Variants in PAK2 observed in about 807,000 individuals in gnomAD.
The protein encoded by PAK2 is p21 (RAC1) activated kinase 2.
In PAK2, 21 loss-of-function variants were observed where a neutral mutation model predicts 65.9. That is an observed-to-expected ratio of 0.32 (90% CI 0.23 to 0.46). PAK2 has a LOEUF of 0.46. PAK2 is among the 20% of genes least tolerant of loss of function. The pLI is 1.00. For synonymous variants in PAK2, 204 were observed against 219.7 expected (o/e 0.93, Z 0.63); for missense variants, 324 against 642.6 (o/e 0.50, Z 5.36).
At chr3:196,758,461 A>G (rs1389749754) in intron 1 of PAK2, among the ~76,000 whole-genome samples, 1 of 152,210 alleles carries the variant, frequency 6.6e-6, no homozygotes, top group Non-Finnish European at 1.5e-5. Flanking sequence ...TCATGTGCGA[A>G]AGCTTCAGAT....
At chr3:196,802,633 A>C (rs1183036722) in intron 3 of PAK2, among the ~76,000 whole-genome samples, 2 of 152,130 alleles carry the variant, frequency 1.3e-5, no homozygotes, top group Non-Finnish European at 2.9e-5. Context: ...TCACGAGGTC[A>C]GGAGATTGAA....
At chr3:196,784,223 CTT>C (rs869153119) in intron 2 of PAK2, among the ~76,000 whole-genome samples, 1 of 117,738 alleles carries the variant, frequency 8.5e-6, no homozygotes, top group African/African-American at 2.9e-5. Flanking sequence ...TTTTTTTTTT[CTT>C]TTTTTTTTTT....
intron 1 of PAK2, among the ~76,000 whole-genome samples, chr3:196,766,049 A>G (rs559094206): frequency 9.9e-5 from 15 of 152,000 alleles, no homozygotes; most frequent in South Asian, 4.2e-4. Context: ...AGTGAGCACC[A>G]CCATGCCCAC....
In PAK2 at chr3:196,761,087, G is replaced by A. The variant is rs565090366; in HGVS notation, c.-22+20930G>A. ...CTACTAAAAATACAAAATTAGCCGG[G>A]TGTGGTTGTGCATACCTGTAATCCC... On this transcript the variant is annotated intron_variant, in intron 1 of 14. Coordinates refer to ENST00000327134, the MANE Select transcript of PAK2 (RefSeq NM_002577.4). Among the ~76,000 whole-genome samples the A allele has an allele frequency of 1.7e-4, 25 of 151,280 alleles. No homozygotes were observed. The South Asian group carries it at 4.6e-3, about 28-fold the overall frequency.
In PAK2 at chr3:196,774,485, C is replaced by G. The variant is rs564371600; in HGVS notation, c.-21-8141C>G. On this transcript the variant is annotated intron_variant, in intron 1 of 14. Transcript: ENST00000327134. ...CAAGGACTGACCTCAGGAAGGAAAT[C>G]ATTTTCACTAAGCCTTGAAAGATTT... 3.5e-4 allele frequency among the ~76,000 whole-genome samples: 53 copies of G among 152,234 alleles called. No homozygotes were observed. In the Middle Eastern group the frequency reaches 0.014, roughly 39 times the overall value.
In PAK2 at chr3:196,830,165, T is replaced by C. The variant is rs1712024926; in HGVS notation, c.*1760T>C. 1 of 152,216 alleles carries C rather than the reference T, an allele frequency of 6.6e-6. No individual in the cohort carries two copies. Among genetic ancestry groups the C allele is most frequent in the Admixed American group, 6.6e-5 (1 of 15,266 alleles). The allele number at this position is 152,216 out of a possible 1,614,324, so 9.4% of individuals were successfully genotyped here. ...TATTTTATTTCCACTATATCTATGA[T>C]AAGATGCAATTATAAGGAGAGAAGT... is the stretch of plus-strand genomic sequence containing the variant. On this transcript the variant is annotated 3_prime_UTR_variant, in exon 15 of 15. Transcript: ENST00000327134.
chr3:196,759,249 C>T (rs761826188), intron 1 of PAK2, among the ~76,000 whole-genome samples: 8 of 152,254 alleles, frequency 5.3e-5, no homozygotes, highest in Non-Finnish European at 1.2e-4. Context: ...CAGATTATTT[C>T]TAGAACTCTT....
chr3:196,785,526 T>C (rs1714857851), intron 2 of PAK2, among the ~76,000 whole-genome samples: 1 of 152,172 alleles, frequency 6.6e-6, no homozygotes, highest in South Asian at 2.1e-4. Flanking sequence ...TGTTTTAAAT[T>C]GGCCTTTCCC....
intron 14 of PAK2, among the ~76,000 whole-genome samples, chr3:196,828,063 A>C (rs991204469): frequency 3.1e-5 from 4 of 130,870 alleles, no homozygotes; most frequent in African/African-American, 1.2e-4. Context: ...ACCTGTTTAC[A>C]GTTTGTGCAT....
At chr3:196,819,961 A>AG (rs974973613) in intron 12 of PAK2, among the ~76,000 whole-genome samples, 7 of 152,170 alleles carry the variant, frequency 4.6e-5, no homozygotes, top group African/African-American at 1.7e-4. Context: ...TAGGCAACAC[A>AG]GGGGGACTCT....
chr3:196,782,902 C>T, intron 2 of PAK2, 69 bp downstream of exon 2: 5 of 1,026,292 alleles, frequency 4.9e-6, no homozygotes, highest in Non-Finnish European at 7.2e-6. Context: ...ATGTTGATAA[C>T]TTTTATGGTG....
intron 1 of PAK2, among the ~76,000 whole-genome samples, chr3:196,763,068 C>T (rs2108722327): frequency 6.6e-6 from 1 of 152,262 alleles, no homozygotes; most frequent in African/African-American, 2.4e-5. Context: ...GATAGACCCC[C>T]CACCCCCTGC....
At chr3:196,745,142 G>A (rs1713331522) in intron 1 of PAK2, among the ~76,000 whole-genome samples, 1 of 144,562 alleles carries the variant, frequency 6.9e-6, no homozygotes, top group Non-Finnish European at 1.5e-5. Context: ...TTGTGACAGA[G>A]TCTCACTCTG....
chr3:196,804,456 C>G (rs894621737), intron 4 of PAK2, among the ~76,000 whole-genome samples: 1 of 150,114 alleles, frequency 6.7e-6, no homozygotes, highest in Non-Finnish European at 1.5e-5. Context: ...TGTGCGCACG[C>G]GCGTGCGTGT....
chr3:196,794,121 ACT>A (rs1715166933), intron 2 of PAK2, among the ~76,000 whole-genome samples: 1 of 152,174 alleles, frequency 6.6e-6, no homozygotes, highest in African/African-American at 2.4e-5. Context: ...ACAGTGCAAG[ACT>A]CTGTCTCAAA....
chr3:196,763,783 A>G (rs1188967323), intron 1 of PAK2, among the ~76,000 whole-genome samples: 1 of 152,116 alleles, frequency 6.6e-6, no homozygotes, highest in Non-Finnish European at 1.5e-5. Context: ...CTGTCTACAA[A>G]GAGATCCAGT....
intron 7 of PAK2, among the ~76,000 whole-genome samples, chr3:196,809,013 G>A (rs957550084): frequency 6.6e-6 from 1 of 151,550 alleles, no homozygotes; most frequent in South Asian, 2.1e-4. Context: ...AAGATAGGAG[G>A]ATAGCTGGAG....
intron 2 of PAK2, among the ~76,000 whole-genome samples, chr3:196,792,728 A>G (rs1715112119): frequency 6.6e-6 from 1 of 152,162 alleles, no homozygotes; most frequent in Non-Finnish European, 1.5e-5. Context: ...CTTCTGGTTA[A>G]ACACAGCATG....
chr3:196,769,978 G>A (rs142670522), intron 1 of PAK2, among the ~76,000 whole-genome samples: 3,566 of 152,052 alleles, frequency 0.023, 75 homozygotes, highest in Non-Finnish European at 0.035. Context: ...TTGTTAGGCC[G>A]GACATGGCAG....
Sources: gnomAD v4.1 joint callset for allele counts (sites outside exome capture counted in the v4.1 genomes callset) on GRCh38, gnomAD v4.1.1 for gene constraint, MANE v1.5 for transcripts, NCBI Gene and HGNC (gene_info 2026-07-23, HGNC 2026-07-21) for gene names.